Variants in GRB10 observed in about 807,000 individuals in gnomAD.
GRB10 encodes growth factor receptor bound protein 10.
A neutral mutation model predicts 80.9 loss-of-function variants in GRB10; 20 were observed. The ratio of observed to expected loss-of-function variants is 0.25; its 90% confidence interval spans 0.17 to 0.36. The LOEUF (loss-of-function observed/expected upper bound fraction) is 0.36. Among genes scored for constraint, GRB10 ranks in the 10% least tolerant of loss-of-function variants. The pLI, the probability that GRB10 is intolerant of heterozygous loss-of-function variation, is 1.00. For synonymous variants in GRB10, 291 were observed against 291.5 expected, an observed-to-expected ratio of 1.00 and a Z score of 0.02; for missense variants, 548 against 747.7, an observed-to-expected ratio of 0.73 and a Z score of 3.12.
chr7:50,664,253 C>T (rs1274442071), intron 7 of GRB10, among the ~76,000 whole-genome samples: 1 of 152,218 alleles, frequency 6.6e-6, no homozygotes, highest in Non-Finnish European at 1.5e-5. Flanking sequence ...TACAGGGTAT[C>T]GTACCCACCA....
intron 4 of GRB10, among the ~76,000 whole-genome samples, chr7:50,724,623 T>C (rs1056799678): frequency 6.6e-6 from 1 of 152,194 alleles, no homozygotes; most frequent in Non-Finnish European, 1.5e-5. Context: ...TGATTAGTTC[T>C]GGTCCTTCCC....
At chr7:50,768,754 T>C (rs1166705342) in intron 2 of GRB10, among the ~76,000 whole-genome samples, 1 of 152,222 alleles carries the variant, frequency 6.6e-6, no homozygotes, top group Non-Finnish European at 1.5e-5. Flanking sequence ...CTGCAAAAGC[T>C]GCATGCAAGG....
At chr7:50,670,572 C>A (rs1383833918) in intron 6 of GRB10, among the ~76,000 whole-genome samples, 1 of 151,950 alleles carries the variant, frequency 6.6e-6, no homozygotes, top group Non-Finnish European at 1.5e-5. Context: ...TGGGTGCGTG[C>A]TCATCTCAGG....
At position 50,606,385 on chromosome 7, in the gene GRB10, T is replaced by C; in HGVS notation, c.1224A>G (p.Arg408=). 1.9e-6 allele frequency: 3 copies of C among 1,614,138 alleles called. No homozygotes were observed. Among genetic ancestry groups the C allele is most frequent in the Non-Finnish European group, 2.5e-6 (3 of 1,179,968 alleles). ...GCAAGGCCTTCCTCTGCTGAGGGAT[T>C]CGGTAATTCTGGTAAAGGAGCATTC... The part of the protein sequence containing the change: ...KYGMLLYQNY[R]IPQQRKALLS... The change falls in exon 14 of 19, where the codon CGA becomes CGG. Residue 408 remains arginine (R), a synonymous_variant. Transcript: ENST00000401949.
At chr7:50,729,134 G>A (rs1187072926) in intron 4 of GRB10, among the ~76,000 whole-genome samples, 7 of 152,232 alleles carry the variant, frequency 4.6e-5, no homozygotes, top group African/African-American at 1.4e-4. Context: ...CACTAATGCT[G>A]TTGCCATTAT....
chr7:50,617,479 G>A (rs1374132052), intron 10 of GRB10, among the ~76,000 whole-genome samples: 3 of 152,226 alleles, frequency 2.0e-5, no homozygotes, highest in Non-Finnish European at 4.4e-5. Flanking sequence ...CCGGAGGAGT[G>A]TGTGTGAGAG....
rs1462367277 is a variant in GRB10 at position 50,754,500 on chromosome 7, T to G, written c.-47+1387A>C. 3.3e-5 allele frequency among the ~76,000 whole-genome samples: 5 copies of G among 152,174 alleles called. No individual in the cohort carries two copies. The East Asian group carries it at 9.7e-4, about 30-fold the overall frequency. ...GGAGGCTCCAGCTCCCTCTCCTCACTGGCGCCAGGACCCTCTCTCTGCAGG... is the reference window on the plus strand; with the variant it reads ...GGAGGCTCCAGCTCCCTCTCCTCACGGGCGCCAGGACCCTCTCTCTGCAGG... On this transcript the variant is annotated intron_variant, in intron 3 of 18. Coordinates refer to ENST00000401949, the MANE Select transcript of GRB10 (RefSeq NM_001350814.2).
intron 5 of GRB10, among the ~76,000 whole-genome samples, chr7:50,689,301 G>A (rs1399597297): frequency 6.6e-6 from 1 of 152,222 alleles, no homozygotes; most frequent in Middle Eastern, 3.2e-3. Flanking sequence ...TAGATTAGAA[G>A]CCTGCTGCAA....
intron 5 of GRB10, among the ~76,000 whole-genome samples, chr7:50,700,715 A>G (rs897594084): frequency 6.6e-6 from 1 of 152,188 alleles, no homozygotes; most frequent in African/African-American, 2.4e-5. Context: ...TCTCTAACTC[A>G]TAAGTAAAAT....
At chr7:50,728,160 C>G (rs537721722) in intron 4 of GRB10, among the ~76,000 whole-genome samples, 64 of 151,120 alleles carry the variant, frequency 4.2e-4, no homozygotes, top group African/African-American at 1.5e-3. Context: ...CAGGTACTAT[C>G]AACAAATTTC....
chr7:50,757,603 A>G (rs2075257807), intron 2 of GRB10, among the ~76,000 whole-genome samples: 1 of 152,264 alleles, frequency 6.6e-6, no homozygotes, highest in Non-Finnish European at 1.5e-5. Context: ...AGAATTTGGA[A>G]GTTTGGAAAG....
exon 1 of GRB10, chr7:50,793,235 G>C (rs1588154216): frequency 6.9e-6 from 1 of 145,556 alleles, no homozygotes; most frequent in East Asian, 2.0e-4. Context: ...TGCCGCGCGC[G>C]GCTCCCCGCC....
chr7:50,669,809 G>C lies in GRB10; in HGVS notation c.417C>G (p.Pro139=). ...QFRTSSLPAI[P]NPFPELCGPG... ...GGCCACAGAGTTCAGGAAAAGGATT[G>C]GGGATGGCCGGCAGAGATGAGGTTC... Residue 139 remains proline (P), a synonymous_variant, in exon 7 of 19, where the codon CCC becomes CCG. Coordinates refer to ENST00000401949, the MANE Select transcript of GRB10 (RefSeq NM_001350814.2). 6.2e-7 allele frequency: 1 copy of C among 1,613,966 alleles called. No individual in the cohort carries two copies. The highest frequency in any genetic ancestry group is 8.5e-7 in the Non-Finnish European group (1 of 1,179,964).
chr7:50,717,751 C>T (rs1978208), intron 4 of GRB10, among the ~76,000 whole-genome samples: 109,835 of 152,154 alleles, frequency 0.72, 41,783 homozygotes, highest in Middle Eastern at 0.89. Context: ...ATGGAAATTG[C>T]TTTTTAGCAC....
rs189548071 is a variant in GRB10, at chr7:50,603,387, C to T, written c.1544+611G>A. On this transcript the variant is annotated intron_variant, in intron 17 of 18. Coordinates refer to ENST00000401949, the MANE Select transcript of GRB10 (RefSeq NM_001350814.2). The stretch of plus-strand genomic sequence containing the variant: ...ATGGTACGAGAATCTTGAGAAGTCT[C>T]GTGCATGTGTAGTGGGGTTTAACCT... 3.7e-3 allele frequency among the ~76,000 whole-genome samples: 559 copies of T among 152,300 alleles called. 1 individual carries two copies. The highest frequency in any genetic ancestry group is 6.5e-3 in the Non-Finnish European group (445 of 68,016).
chr7:50,667,663 G>GAAA (rs759613535), intron 7 of GRB10, among the ~76,000 whole-genome samples: 6 of 142,428 alleles, frequency 4.2e-5, no homozygotes, highest in Non-Finnish European at 7.7e-5. Flanking sequence ...AGCAAGTCGG[G>GAAA]AAAAAAAAAA....
chr7:50,758,049 T>C (rs1183096025), intron 2 of GRB10, among the ~76,000 whole-genome samples: 1 of 152,210 alleles, frequency 6.6e-6, no homozygotes, highest in Non-Finnish European at 1.5e-5. Flanking sequence ...TATTAGTCTT[T>C]ACAGTTGACA....
In GRB10 at chr7:50,608,450, C is replaced by T. The variant is rs994295900; in HGVS notation, c.1195-2036G>A. 3.9e-5 allele frequency among the ~76,000 whole-genome samples: 6 copies of T among 152,302 alleles called. No individual in the cohort carries two copies. In the East Asian group the frequency reaches 1.2e-3, roughly 29 times the overall value. On this transcript the variant is annotated intron_variant, in intron 13 of 18. Transcript: ENST00000401949. ...AAAAGAACCGCTAAGCTGAGGTCTT[C>T]TAGTCCCAGAGAGAAGAATGCAAAT...
At chr7:50,600,187 A>G (rs1041047357) in intron 17 of GRB10, among the ~76,000 whole-genome samples, 5 of 152,192 alleles carry the variant, frequency 3.3e-5, no homozygotes, top group Non-Finnish European at 7.3e-5. Context: ...AAGCAGGTAT[A>G]CACTGTATTA....
Sources: allele counts gnomAD v4.1 joint callset (sites outside exome capture counted in the v4.1 genomes callset), GRCh38; gene constraint gnomAD v4.1.1; transcripts MANE v1.5; gene names NCBI Gene and HGNC (gene_info 2026-07-23, HGNC 2026-07-21).